ANK2: variants seen among roughly 807,000 people sequenced by gnomAD.
ANK2 encodes the protein ankyrin 2, also known as ankyrin-2.
In ANK2, 83 loss-of-function variants were observed where a neutral mutation model predicts 360.5. That is an observed-to-expected ratio of 0.23 (90% CI 0.19 to 0.28). The LOEUF (loss-of-function observed/expected upper bound fraction) is 0.28, where lower values mean the gene tolerates loss of function less well. Ranked by LOEUF, ANK2 falls within the 10% of genes least tolerant of loss-of-function variation. The pLI is 1.00. For missense variants in ANK2, 4,201 were observed against 4,795.7 expected, an observed-to-expected ratio of 0.88 and a Z score of 3.66; for synonymous variants, 1,740 against 1,759.5, an observed-to-expected ratio of 0.99 and a Z score of 0.28.
chr4:113,173,294 C>T (rs1475283315), intron 1 of ANK2, among the ~76,000 whole-genome samples: 1 of 152,096 alleles, frequency 6.6e-6, no homozygotes, highest in Admixed American at 6.5e-5. Context: ...TGTACATCAC[C>T]ACAGATCATA....
At chr4:113,294,827 C>G (rs2070140890) in intron 22 of ANK2, among the ~76,000 whole-genome samples, 1 of 152,146 alleles carries the variant, frequency 6.6e-6, no homozygotes. Flanking sequence ...TGCCTAGCAC[C>G]ATACTTGTAG....
chr4:113,348,252 T>C (rs755153389), intron 35 of ANK2, 24 bp from the exon 36 acceptor site: 20 of 1,612,560 alleles, frequency 1.2e-5, no homozygotes, highest in Non-Finnish European at 1.6e-5. Context: ...TTTTCCATCT[T>C]GCATGGCATC....
chr4:112,741,818 AAAAC>A, the ANK2 span, among the ~76,000 whole-genome samples: 179 of 152,212 alleles, frequency 1.2e-3, no homozygotes, highest in African/African-American at 2.3e-3. Context: ...CCGTTTCTTA[AAAAC>A]AAACAAACAA....
chr4:112,964,082 T>G (rs2036087633), intron 2 of ANK2, among the ~76,000 whole-genome samples: 1 of 149,994 alleles, frequency 6.7e-6, no homozygotes, highest in Non-Finnish European at 1.5e-5. Context: ...TTTTTAAAAT[T>G]TTTAAGGTTT....
chr4:113,046,732 CA>C (rs1246048171), upstream of ANK2, among the ~76,000 whole-genome samples: 2 of 152,000 alleles, frequency 1.3e-5, no homozygotes, highest in African/African-American at 4.8e-5. Flanking sequence ...GTTATAGCAG[CA>C]CCAACACACT....
intron 4 of ANK2, among the ~76,000 whole-genome samples, chr4:113,221,905 A>G (rs1232359188): frequency 6.6e-6 from 1 of 152,240 alleles, no homozygotes; most frequent in Non-Finnish European, 1.5e-5. Flanking sequence ...GTTTGCTGGC[A>G]ATAACCAGAC....
At chr4:113,049,584 G>A, upstream of ANK2, 6 of 1,475,916 alleles carry the variant, frequency 4.1e-6, no homozygotes, top group Non-Finnish European at 5.4e-6. Flanking sequence ...CCATGGCAAC[G>A]TCACCGTCCT....
chr4:113,200,498 T>C (rs2098814178), intron 4 of ANK2, among the ~76,000 whole-genome samples: 1 of 152,144 alleles, frequency 6.6e-6, no homozygotes, highest in Non-Finnish European at 1.5e-5. Flanking sequence ...ACTTTTAGAG[T>C]CCCTAGTATC....
the ANK2 span, among the ~76,000 whole-genome samples, chr4:112,712,400 A>ATTT: frequency 5.0e-5 from 2 of 39,764 alleles, no homozygotes; most frequent in Admixed American, 4.3e-4. Context: ...ATATATATAT[A>ATTT]TATATATTTT....
At chr4:112,776,278 G>T in the ANK2 span, among the ~76,000 whole-genome samples, 3 of 152,154 alleles carry the variant, frequency 2.0e-5, no homozygotes, top group African/African-American at 7.2e-5. Context: ...GAGAATTCTC[G>T]TATAGAAGTG....
At chr4:113,210,879 C>G (rs2099013855) in intron 4 of ANK2, among the ~76,000 whole-genome samples, 1 of 152,132 alleles carries the variant, frequency 6.6e-6, no homozygotes, top group African/African-American at 2.4e-5. Context: ...AATTACTTTC[C>G]CTCCCTATTT....
At chr4:113,118,187 C>T (rs1343014885) in intron 1 of ANK2, among the ~76,000 whole-genome samples, 1 of 152,096 alleles carries the variant, frequency 6.6e-6, no homozygotes, top group Non-Finnish European at 1.5e-5. Context: ...CTGAAATACT[C>T]ATTTAGTCAG....
At position 113,113,834 on chromosome 4, in the gene ANK2, C is replaced by T. The variant is rs1270962101; in HGVS notation, c.85-60582C>T. ...GAACTGATACCAATTATTTTCCATT[C>T]AAATAGAAATCATAGTTAAGTTTGA... On this transcript the variant is annotated intron_variant, in intron 1 of 45. Coordinates refer to ENST00000357077, the MANE Select transcript of ANK2 (RefSeq NM_001148.6). Among the ~76,000 whole-genome samples the T allele has an allele frequency of 2.0e-5, 3 of 152,050 alleles. 1 individual carries two copies. The East Asian group carries it at 5.8e-4, about 29-fold the overall frequency.
rs2154067565 is a variant in ANK2 at position 113,369,825 on chromosome 4, T to C, written c.11610+20T>C. The C allele has an allele frequency of 1.2e-6, 2 of 1,613,914 alleles. No homozygotes were observed. The highest frequency in any genetic ancestry group is 1.7e-6 in the Non-Finnish European group (2 of 1,179,940). The stretch of plus-strand genomic sequence containing the variant: ...GAAAAGGTAAGACATTCCTCTCCAC[T>C]TTCTCGCCCACCTGTAACAAAGCTA... On this transcript the variant is annotated intron_variant, in intron 43 of 45. Coordinates refer to ENST00000357077, the MANE Select transcript of ANK2 (RefSeq NM_001148.6).
chr4:113,359,840 A>G (rs2096085473), intron 38 of ANK2, among the ~76,000 whole-genome samples: 1 of 152,208 alleles, frequency 6.6e-6, no homozygotes, highest in Admixed American at 6.5e-5. Flanking sequence ...TTCAGATACC[A>G]TTGGTAAATA....
chr4:113,338,543 CTTTTTTT>C (rs71582166), intron 31 of ANK2, among the ~76,000 whole-genome samples: 1 of 96,118 alleles, frequency 1.0e-5, no homozygotes, highest in African/African-American at 4.8e-5. Context: ...AGATTGTTCA[CTTTTTTT>C]TTTTTTTTTT....
At chr4:112,775,558 C>A in the ANK2 span, among the ~76,000 whole-genome samples, 6 of 114,080 alleles carry the variant, frequency 5.3e-5, no homozygotes, top group Non-Finnish European at 7.5e-5. Flanking sequence ...AAAAAAAATT[C>A]TAAGATTTTA....
chr4:112,753,561 A>C, the ANK2 span, among the ~76,000 whole-genome samples: 2 of 152,132 alleles, frequency 1.3e-5, no homozygotes, highest in Non-Finnish European at 1.5e-5. Flanking sequence ...TCACAGGGTG[A>C]AATAGGATAT....
intron 2 of ANK2, among the ~76,000 whole-genome samples, chr4:112,974,668 A>G (rs544508432): frequency 2.0e-5 from 3 of 152,148 alleles, no homozygotes; most frequent in Non-Finnish European, 1.5e-5. Context: ...CCTCAGGAAA[A>G]TTTCATTATT....
Sources: gnomAD v4.1 joint callset for allele counts (sites outside exome capture counted in the v4.1 genomes callset) on GRCh38, gnomAD v4.1.1 for gene constraint, MANE v1.5 for transcripts, NCBI Gene and HGNC (gene_info 2026-07-23, HGNC 2026-07-21) for gene names.